The following FREM3 variants were observed in gnomAD, a reference collection of about 807,000 sequenced individuals.
The protein encoded by FREM3 is FRAS1-related extracellular matrix protein 3.
Under a neutral mutation model 129.1 loss-of-function variants are expected in FREM3, and 105 were observed. The observed-to-expected ratio is 0.81, with a 90% CI of 0.69 to 0.96. FREM3 has a LOEUF of 0.96. FREM3 is among the 40% of genes least tolerant of loss of function. The probability of loss-of-function intolerance (pLI) is 0.00; values close to 1 mark genes in which losing one functional copy is unlikely to be tolerated. For missense variants in FREM3, 2,593 were observed against 2,666.3 expected, an observed-to-expected ratio of 0.97 and a Z score of 0.61; for synonymous variants, 1,014 against 1,044.9, an observed-to-expected ratio of 0.97 and a Z score of 0.57.
intron 2 of FREM3, among the ~76,000 whole-genome samples, chr4:143,690,445 C>T (rs1740444625): frequency 3.3e-5 from 5 of 152,106 alleles, no homozygotes; most frequent in Admixed American, 3.3e-4. Flanking sequence ...GCAGCATACA[C>T]CTAATGTCCA....
At chr4:143,641,450 G>T (rs1739319912) in intron 2 of FREM3, among the ~76,000 whole-genome samples, 1 of 152,224 alleles carries the variant, frequency 6.6e-6, no homozygotes, top group Admixed American at 6.5e-5. Flanking sequence ...ATCCTTAAGT[G>T]AATGGGGGAT....
At chr4:143,592,280 AT>A (rs1738378954) in intron 6 of FREM3, among the ~76,000 whole-genome samples, 1 of 152,142 alleles carries the variant, frequency 6.6e-6, no homozygotes, top group African/African-American at 2.4e-5. Context: ...TGATCCTGTC[AT>A]TATGATGTTG....
intron 5 of FREM3, among the ~76,000 whole-genome samples, chr4:143,619,503 C>T (rs541457989): frequency 7.5e-4 from 114 of 152,164 alleles, no homozygotes; most frequent in Non-Finnish European, 1.2e-3. Flanking sequence ...ATACTCATAT[C>T]GTGTGCCATT....
rs1738064381 is a variant in FREM3 at position 143,577,682 on chromosome 4, T to C, written c.6349A>G (p.Asn2117Asp). Residue 2117 changes from asparagine to aspartate, a missense_variant, in exon 8 of 8, where the codon AAT becomes GAT. Transcript: ENST00000329798. ...TCCTCGATGAAAATGGTAGTTTTAT[T>C]TGGTTCTCCAAGCACTGCACCCATA... Reference protein sequence around the residue: ...MPMGAVLGEPNKTTIFIEDTI... With the variant: ...MPMGAVLGEPDKTTIFIEDTI... 2.6e-6 allele frequency: 4 copies of C among 1,537,186 alleles called. No individual in the cohort carries two copies. The South Asian group carries it at 4.8e-5, about 18-fold the overall frequency.
chr4:143,602,911 TG>T (rs1235381248), intron 6 of FREM3, among the ~76,000 whole-genome samples: 1 of 152,202 alleles, frequency 6.6e-6, no homozygotes, highest in Non-Finnish European at 1.5e-5. Flanking sequence ...CCTTGGATGC[TG>T]AGTCTTCAGG....
intron 7 of FREM3, among the ~76,000 whole-genome samples, chr4:143,579,219 C>T (rs1044460998): frequency 1.2e-4 from 18 of 152,074 alleles, no homozygotes; most frequent in Admixed American, 2.0e-4. Context: ...TTTGGGAGGC[C>T]GATGTGAGCA....
intron 2 of FREM3, among the ~76,000 whole-genome samples, chr4:143,678,193 T>C (rs993470589): frequency 3.3e-5 from 5 of 152,178 alleles, no homozygotes; most frequent in Non-Finnish European, 5.9e-5. Flanking sequence ...ATATACACCA[T>C]GGAATACTAT....
chr4:143,655,973 G>A (rs1739594593), intron 2 of FREM3, among the ~76,000 whole-genome samples: 1 of 152,110 alleles, frequency 6.6e-6, no homozygotes, highest in African/African-American at 2.4e-5. Flanking sequence ...CATAACCCCT[G>A]TATTAAATGA....
chr4:143,686,858 A>C (rs1050412115), intron 2 of FREM3, among the ~76,000 whole-genome samples: 11 of 152,066 alleles, frequency 7.2e-5, no homozygotes, highest in African/African-American at 2.7e-4. Context: ...AGCCCTAAAC[A>C]CCTACATCAA....
chr4:143,578,154 G>A (rs1490613210), intron 7 of FREM3, among the ~76,000 whole-genome samples: 1 of 152,182 alleles, frequency 6.6e-6, no homozygotes, highest in African/African-American at 2.4e-5. Flanking sequence ...ATCTCTGAAG[G>A]TAGCTTCAAT....
chr4:143,637,361 G>T (rs1560853271), intron 2 of FREM3, among the ~76,000 whole-genome samples: 1 of 152,144 alleles, frequency 6.6e-6, no homozygotes, highest in African/African-American at 2.4e-5. Flanking sequence ...TGTCAGCTAG[G>T]TCTCCATTTT....
chr4:143,689,164 TCAAA>T (rs1211330442), intron 2 of FREM3, among the ~76,000 whole-genome samples: 9 of 151,900 alleles, frequency 5.9e-5, no homozygotes, highest in Admixed American at 3.9e-4. Context: ...TACGACGAAC[TCAAA>T]CAAATCAGTA....
At chr4:143,595,889 G>GAAAAAAA (rs70953742) in intron 6 of FREM3, among the ~76,000 whole-genome samples, 18 of 110,662 alleles carry the variant, frequency 1.6e-4, no homozygotes, top group Admixed American at 5.0e-4. Context: ...CGCCATCTCA[G>GAAAAAAA]AAAAAAAAAA....
chr4:143,666,171 C>T (rs995506467), intron 2 of FREM3, among the ~76,000 whole-genome samples: 15 of 152,042 alleles, frequency 9.9e-5, no homozygotes, highest in African/African-American at 3.4e-4. Flanking sequence ...ATGGAGCGTG[C>T]TGGCAGTCTG....
intron 2 of FREM3, among the ~76,000 whole-genome samples, chr4:143,664,332 G>T (rs1159607436): frequency 6.6e-6 from 1 of 152,112 alleles, no homozygotes; most frequent in African/African-American, 2.4e-5. Flanking sequence ...AGGTCTGTTG[G>T]AGTTTGCTAG....
intron 6 of FREM3, among the ~76,000 whole-genome samples, chr4:143,602,360 G>T (rs1578830264): frequency 6.6e-6 from 1 of 152,108 alleles, no homozygotes; most frequent in African/African-American, 2.4e-5. Flanking sequence ...CGTGGGAAGT[G>T]CACTAATAAT....
chr4:143,650,995 C>T (rs548102049), intron 2 of FREM3, among the ~76,000 whole-genome samples: 2 of 152,276 alleles, frequency 1.3e-5, no homozygotes, highest in African/African-American at 4.8e-5. Flanking sequence ...ACTCAGTGCT[C>T]ATTTATTTGA....
At chr4:143,635,313 A>G (rs1041121855) in intron 2 of FREM3, among the ~76,000 whole-genome samples, 4 of 151,948 alleles carry the variant, frequency 2.6e-5, no homozygotes, top group Non-Finnish European at 5.9e-5. Context: ...AAGCATAAGT[A>G]TAATTTTCAC....
intron 2 of FREM3, among the ~76,000 whole-genome samples, chr4:143,663,468 T>G (rs1208509011): frequency 2.0e-5 from 3 of 152,118 alleles, no homozygotes; most frequent in South Asian, 2.1e-4. Context: ...TAGTCGGATG[T>G]GCTTCCCTTT....
Sources: allele counts gnomAD v4.1 joint callset (sites outside exome capture counted in the v4.1 genomes callset), GRCh38; gene constraint gnomAD v4.1.1; transcripts MANE v1.5; gene names NCBI Gene and HGNC (gene_info 2026-07-23, HGNC 2026-07-21).